The following PTPRM variants were observed in gnomAD, a reference collection of about 807,000 sequenced individuals.
PTPRM encodes receptor-type tyrosine-protein phosphatase mu.
PTPRM carries 47 observed loss-of-function variants against 186.7 expected under a neutral mutation model. The observed-to-expected ratio is 0.25, with a 90% confidence interval of 0.20 to 0.32. PTPRM has a LOEUF of 0.32. Among genes scored for constraint, PTPRM ranks in the 10% least tolerant of loss-of-function variants. The probability of loss-of-function intolerance (pLI) is 1.00; values close to 1 mark genes in which losing one functional copy is unlikely to be tolerated. For missense variants in PTPRM, 1,494 were observed against 1,865.0 expected (o/e 0.80, Z 3.66); for synonymous variants, 668 against 674.9 (o/e 0.99, Z 0.16).
At chr18:7,935,859 G>A (rs9966103) in intron 5 of PTPRM, among the ~76,000 whole-genome samples, 32,595 of 152,054 alleles carry the variant, frequency 0.21, 5,216 homozygotes, top group African/African-American at 0.45. Flanking sequence ...CTGAAATTGG[G>A]CTTTTAAAAC....
chr18:8,223,682 C>G (rs923495784), intron 14 of PTPRM, among the ~76,000 whole-genome samples: 1 of 152,198 alleles, frequency 6.6e-6, no homozygotes, highest in Non-Finnish European at 1.5e-5. Flanking sequence ...TTGCTGTCCT[C>G]TCCCCACAGA....
At chr18:8,262,593 G>A (rs1428226044) in intron 19 of PTPRM, among the ~76,000 whole-genome samples, 1 of 152,116 alleles carries the variant, frequency 6.6e-6, no homozygotes, top group African/African-American at 2.4e-5. Context: ...AATCCCTTTG[G>A]ACACAGCTCA....
intron 2 of PTPRM, among the ~76,000 whole-genome samples, chr18:7,808,175 G>A (rs75525507): frequency 0.019 from 2,950 of 152,244 alleles, 90 homozygotes; most frequent in African/African-American, 0.067. Flanking sequence ...CATCAAATCT[G>A]TGAACTAGAA....
intron 2 of PTPRM, among the ~76,000 whole-genome samples, chr18:7,854,763 GT>G (rs2047016872): frequency 7.3e-6 from 1 of 136,788 alleles, no homozygotes; most frequent in African/African-American, 2.8e-5. Flanking sequence ...ACTGATATAT[GT>G]TTTTAAAAAT....
chr18:8,142,567 T>C (rs1382423724), intron 13 of PTPRM, among the ~76,000 whole-genome samples: 3 of 152,184 alleles, frequency 2.0e-5, no homozygotes, highest in Non-Finnish European at 2.9e-5. Context: ...ACTAAGGTTT[T>C]CGTGAGTCAG....
In PTPRM at chr18:7,882,106, C is replaced by T. The variant is rs146052197; in HGVS notation, c.197-6000C>T. The stretch of plus-strand genomic sequence containing the variant: ...AGTATGGTCGGCAGATCAGAGCTGG[C>T]CCACTCATTGTTTCTGGTCCCTGAC... On this transcript the variant is annotated intron_variant, in intron 2 of 32. Coordinates refer to ENST00000580170, the MANE Select transcript of PTPRM (RefSeq NM_001105244.2). Among the ~76,000 whole-genome samples the T allele has an allele frequency of 7.0e-4, 107 of 152,146 alleles. 3 individuals carry two copies. The East Asian group carries it at 0.014, about 20-fold the overall frequency.
intron 2 of PTPRM, among the ~76,000 whole-genome samples, chr18:7,865,819 T>C (rs543203621): frequency 2.2e-4 from 33 of 152,238 alleles, no homozygotes; most frequent in Non-Finnish European, 2.4e-4. Flanking sequence ...GTCCTGGAGT[T>C]TTTTTTGGTT....
intron 13 of PTPRM, among the ~76,000 whole-genome samples, chr18:8,121,354 C>T (rs1412126278): frequency 6.6e-6 from 1 of 152,198 alleles, no homozygotes; most frequent in Non-Finnish European, 1.5e-5. Flanking sequence ...AATTAGTAAT[C>T]TTTCATGTAA....
At chr18:7,633,762 A>G (rs932463677) in intron 1 of PTPRM, among the ~76,000 whole-genome samples, 19 of 152,280 alleles carry the variant, frequency 1.2e-4, no homozygotes, top group Middle Eastern at 6.8e-3. Context: ...CAAGCTGAGA[A>G]ACTTGGAGTC....
chr18:8,403,409 A>C (rs1344634810), intron 32 of PTPRM: 1 of 152,166 alleles, frequency 6.6e-6, no homozygotes, highest in Non-Finnish European at 1.5e-5. Context: ...TTGAAAAATT[A>C]CCTGTTGGGT....
intron 14 of PTPRM, among the ~76,000 whole-genome samples, chr18:8,200,594 A>T (rs2093842116): frequency 6.6e-6 from 1 of 152,258 alleles, no homozygotes; most frequent in Admixed American, 6.5e-5. Flanking sequence ...CTGTGCCGTG[A>T]CCCACGCAGC....
At chr18:8,032,077 C>A (rs2086013845) in intron 7 of PTPRM, among the ~76,000 whole-genome samples, 1 of 152,140 alleles carries the variant, frequency 6.6e-6, no homozygotes. Flanking sequence ...GTATTCTCTT[C>A]CTGGAAAATG....
intron 1 of PTPRM, among the ~76,000 whole-genome samples, chr18:7,765,467 T>C (rs528165203): frequency 7.6e-4 from 115 of 152,302 alleles, no homozygotes; most frequent in African/African-American, 2.6e-3. Context: ...TATGCTTTTA[T>C]TGTTTGTCAG....
chr18:8,328,926 A>G (rs978765414), intron 22 of PTPRM, among the ~76,000 whole-genome samples: 3 of 152,256 alleles, frequency 2.0e-5, no homozygotes, highest in Non-Finnish European at 4.4e-5. Context: ...AAACTTGCTC[A>G]TTAGCAATGA....
chr18:8,323,974 A>G (rs758616990), intron 22 of PTPRM, among the ~76,000 whole-genome samples: 33 of 152,298 alleles, frequency 2.2e-4, no homozygotes, highest in Admixed American at 3.3e-4. Context: ...TAGTAATTCT[A>G]TGGACCTCAG....
At chr18:8,010,845 T>C (rs1319944142) in intron 7 of PTPRM, among the ~76,000 whole-genome samples, 1 of 152,080 alleles carries the variant, frequency 6.6e-6, no homozygotes, top group East Asian at 1.9e-4. Flanking sequence ...CTTATAGAGA[T>C]ACAAAGATTA....
Position 7,982,739 on chromosome 18 carries a change from C to T in PTPRM, c.1132+27325C>T, listed in dbSNP as rs141526012. On this transcript the variant is annotated intron_variant, in intron 7 of 32. Coordinates refer to ENST00000580170, the MANE Select transcript of PTPRM (RefSeq NM_001105244.2). Reference sequence around the variant, plus strand: ...ACCTCAGTAGTGTGTTGTGCTATGACGTTAGGACAGCTAGGATGTCACTAG... The same window carrying T: ...ACCTCAGTAGTGTGTTGTGCTATGATGTTAGGACAGCTAGGATGTCACTAG... Among the ~76,000 whole-genome samples the T allele has an allele frequency of 2.6e-4, 39 of 152,158 alleles. 1 individual carries two copies. The highest frequency in any genetic ancestry group is 8.7e-4 in the African/African-American group (36 of 41,530).
intron 23 of PTPRM, among the ~76,000 whole-genome samples, chr18:8,344,863 C>T (rs1402112931): frequency 2.0e-5 from 3 of 151,966 alleles, no homozygotes; most frequent in Non-Finnish European, 4.4e-5. Flanking sequence ...AGAACCAAAA[C>T]CCACAAACAG....
intron 2 of PTPRM, among the ~76,000 whole-genome samples, chr18:7,867,999 C>G (rs973591103): frequency 1.3e-5 from 2 of 152,088 alleles, no homozygotes; most frequent in Non-Finnish European, 2.9e-5. Context: ...GCTATTGATA[C>G]TTGTGTATGC....
Sources: allele counts gnomAD v4.1 joint callset (sites outside exome capture counted in the v4.1 genomes callset), GRCh38; gene constraint gnomAD v4.1.1; transcripts MANE v1.5; gene names NCBI Gene and HGNC (gene_info 2026-07-23, HGNC 2026-07-21).